The following IQCM variants were observed in gnomAD, a reference collection of about 807,000 sequenced individuals.
IQCM encodes IQ domain-containing protein M.
In IQCM, 45 loss-of-function variants were observed where a neutral mutation model predicts 57.6. The ratio of observed to expected loss-of-function variants is 0.78; its 90% CI spans 0.62 to 1.00. IQCM has a LOEUF of 1.00. IQCM is among the 50% of genes least tolerant of loss of function. The pLI is 0.00. For missense variants in IQCM, 468 were observed against 511.6 expected (o/e 0.91, Z 0.82); for synonymous variants, 148 against 158.9 (o/e 0.93, Z 0.51).
intron 12 of IQCM, among the ~76,000 whole-genome samples, chr4:149,517,771 A>G (rs1473996110): frequency 1.3e-5 from 2 of 152,282 alleles, no homozygotes; most frequent in African/African-American, 4.8e-5. Context: ...TGAAAAGGCT[A>G]GACTGGCTTA....
chr4:149,670,405 C>T (rs927642605), intron 7 of IQCM, among the ~76,000 whole-genome samples: 1 of 152,108 alleles, frequency 6.6e-6, no homozygotes, highest in Non-Finnish European at 1.5e-5. Context: ...TCTAAATATA[C>T]AATCATGTCA....
chr4:149,592,965 T>C (rs1341723389), intron 8 of IQCM, among the ~76,000 whole-genome samples: 1 of 152,184 alleles, frequency 6.6e-6, no homozygotes, highest in East Asian at 1.9e-4. Context: ...CATATGAACT[T>C]TAAAATAGTT....
At chr4:149,594,887 A>G (rs1471467968) in intron 8 of IQCM, among the ~76,000 whole-genome samples, 3 of 152,120 alleles carry the variant, frequency 2.0e-5, no homozygotes, top group African/African-American at 4.8e-5. Context: ...TATGTGGTCA[A>G]TTTTGGAATA....
chr4:149,576,440 A>C (rs1751663274), intron 9 of IQCM, among the ~76,000 whole-genome samples: 1 of 151,778 alleles, frequency 6.6e-6, no homozygotes, highest in Non-Finnish European at 1.5e-5. Context: ...GGTTACATGG[A>C]TGAATTGTAT....
intron 2 of IQCM, among the ~76,000 whole-genome samples, chr4:149,758,952 A>G (rs1769246461): frequency 6.6e-6 from 1 of 152,112 alleles, no homozygotes; most frequent in Non-Finnish European, 1.5e-5. Flanking sequence ...ACTCCTTAGT[A>G]TTTCCTCAAA....
rs3736406 is a variant in IQCM at position 149,699,751 on chromosome 4, C to T, written c.386-13283G>A. Reference sequence around the variant, plus strand: ...TGGAAGTTAAAGACAGAGACCTTGACGGAGATTTAGAGGCACCTCCCCTTG... The same window carrying T: ...TGGAAGTTAAAGACAGAGACCTTGATGGAGATTTAGAGGCACCTCCCCTTG... On this transcript the variant is annotated intron_variant, in intron 5 of 13. Transcript: ENST00000636793. 2.7e-4 allele frequency among the ~76,000 whole-genome samples: 39 copies of T among 144,454 alleles called. No individual in the cohort carries two copies. In the East Asian group the frequency reaches 4.3e-3, roughly 16 times the overall value. 94.8% of individuals were successfully genotyped at this position (144,454 alleles called of 152,430 possible).
At position 149,736,621 on chromosome 4, in the gene IQCM, G is replaced by A. The variant is rs73857725; in HGVS notation, c.38-1163C>T. 9.0e-3 allele frequency among the ~76,000 whole-genome samples: 1,368 copies of A among 152,196 alleles called. 10 individuals are homozygous for A. Among genetic ancestry groups the A allele is most frequent in the African/African-American group, 0.031 (1,267 of 41,534 alleles). On this transcript the variant is annotated intron_variant, in intron 3 of 13. Transcript: ENST00000636793. ...GCAATTAAAAACTCAATCTTCATGT[G>A]AATCAAAACTATAATGAGATACCAC...
chr4:149,535,455 C>T (rs529849058), intron 12 of IQCM, among the ~76,000 whole-genome samples: 44 of 151,998 alleles, frequency 2.9e-4, no homozygotes, highest in African/African-American at 1.0e-3. Flanking sequence ...AGTGGCTCTC[C>T]GCATGTTACG....
intron 7 of IQCM, among the ~76,000 whole-genome samples, chr4:149,636,957 C>T (rs943030550): frequency 6.6e-6 from 1 of 151,164 alleles, no homozygotes; most frequent in South Asian, 2.1e-4. Flanking sequence ...TCCTGGCTAA[C>T]AAGGTGAAAC....
chr4:149,546,419 A>C (rs1377535781), intron 12 of IQCM, among the ~76,000 whole-genome samples: 1 of 152,190 alleles, frequency 6.6e-6, no homozygotes. Flanking sequence ...TGGTTGAACT[A>C]GTTTACAGTC....
At chr4:149,743,348 T>C (rs1767636107) in intron 2 of IQCM, among the ~76,000 whole-genome samples, 1 of 152,134 alleles carries the variant, frequency 6.6e-6, no homozygotes, top group Non-Finnish European at 1.5e-5. Flanking sequence ...TTTCCTGTGA[T>C]CTGTTCCTCT....
At chr4:149,628,423 T>C (rs889866760) in intron 7 of IQCM, among the ~76,000 whole-genome samples, 1 of 152,062 alleles carries the variant, frequency 6.6e-6, no homozygotes, top group African/African-American at 2.4e-5. Flanking sequence ...AAAAATGTAC[T>C]TCAGAGTTAG....
chr4:149,481,701 G>GTTTTTTTTTTTTTTTTTTTGT (rs1740841793), intron 12 of IQCM, among the ~76,000 whole-genome samples: 5 of 51,578 alleles, frequency 9.7e-5, no homozygotes, highest in South Asian at 6.0e-4. Flanking sequence ...TTCCAGTTTT[G>GTTTTTTTTTTTTTTTTTTTGT]TTTTTTTTTT....
rs1730051043 is a variant in IQCM, at chr4:149,368,805, C to CGT, written c.1391-16740_1391-16739insAC. Among the ~76,000 whole-genome samples, 2 of 107,938 alleles carry CGT rather than the reference C, an allele frequency of 1.9e-5. 1 individual carries two copies. 70.8% of individuals were successfully genotyped at this position (107,938 alleles called of 152,430 possible). A position where few individuals can be genotyped will look rare whatever the true frequency, so the allele number is the denominator to read the frequency against. On this transcript the variant is annotated intron_variant, in intron 13 of 13. Transcript: ENST00000636793. ...ACATGTATATATATACATATATATA[C>CGT]ATGTATATATATACATATATATACA...
At chr4:149,791,862 T>C (rs145530628) in intron 2 of IQCM, among the ~76,000 whole-genome samples, 16 of 152,238 alleles carry the variant, frequency 1.1e-4, no homozygotes, top group African/African-American at 3.6e-4. Flanking sequence ...AGCTATCACA[T>C]TGGAATGCTA....
chr4:149,565,339 T>C (rs1750518754), intron 9 of IQCM, among the ~76,000 whole-genome samples: 1 of 152,196 alleles, frequency 6.6e-6, no homozygotes, highest in African/African-American at 2.4e-5. Flanking sequence ...ATGGATATTA[T>C]TTTTATTCTC....
intron 3 of IQCM, among the ~76,000 whole-genome samples, chr4:149,736,273 G>A (rs1766936070): frequency 6.6e-6 from 1 of 152,094 alleles, no homozygotes; most frequent in South Asian, 2.1e-4. Flanking sequence ...CTTTTAACCA[G>A]GGTTATGTAT....
At chr4:149,650,911 G>T (rs1212703474) in intron 7 of IQCM, among the ~76,000 whole-genome samples, 1 of 152,178 alleles carries the variant, frequency 6.6e-6, no homozygotes, top group Non-Finnish European at 1.5e-5. Context: ...TCCTCAAAAG[G>T]TTGTTACACA....
intron 12 of IQCM, among the ~76,000 whole-genome samples, chr4:149,437,864 A>T (rs1046957963): frequency 2.0e-5 from 3 of 152,150 alleles, no homozygotes; most frequent in Admixed American, 2.0e-4. Flanking sequence ...ATCTCAGATG[A>T]AAGAACAATA....
Sources: allele counts gnomAD v4.1 joint callset (sites outside exome capture counted in the v4.1 genomes callset), GRCh38; gene constraint gnomAD v4.1.1; transcripts MANE v1.5; gene names NCBI Gene and HGNC (gene_info 2026-07-23, HGNC 2026-07-21).